The following NHSL1 variants were observed in gnomAD, a reference collection of about 807,000 sequenced individuals.
The protein encoded by NHSL1 is NHS like 1.
A neutral mutation model predicts 95.0 loss-of-function variants in NHSL1; 48 were observed. The observed-to-expected ratio is 0.51, with a 90% CI of 0.40 to 0.64. The LOEUF is 0.64. NHSL1 is among the 30% of genes least tolerant of loss of function. The probability of loss-of-function intolerance (pLI) is 0.00; values close to 1 mark genes in which losing one functional copy is unlikely to be tolerated. For missense variants in NHSL1, 1,971 were observed against 2,077.7 expected (o/e 0.95, Z 1.00); for synonymous variants, 783 against 833.9 (o/e 0.94, Z 1.05).
In NHSL1 at chr6:138,582,952, A is replaced by G. The variant is rs1210493079; in HGVS notation, c.97-86581T>C. Among the ~76,000 whole-genome samples the G allele has an allele frequency of 2.3e-4, 35 of 152,236 alleles. 1 individual carries two copies. Among genetic ancestry groups the G allele is most frequent in the Admixed American group, 2.3e-3 (35 of 15,284 alleles). The stretch of plus-strand genomic sequence containing the variant: ...CCTGCAAAACCCAATGGCTTAAAGC[A>G]GTCATCAGTTACAATTTCTCACAAG... On this transcript the variant is annotated intron_variant, in intron 1 of 3. Coordinates refer to the NHSL1 transcript ENST00000491526.
At chr6:138,579,805 C>T (rs1183110885) in intron 1 of NHSL1, among the ~76,000 whole-genome samples, 1 of 152,206 alleles carries the variant, frequency 6.6e-6, no homozygotes, top group African/African-American at 2.4e-5. Flanking sequence ...CCTTACGTGA[C>T]CTTTTAAAGC....
intron 1 of NHSL1, among the ~76,000 whole-genome samples, chr6:138,505,726 G>A (rs1390148248): frequency 6.6e-6 from 1 of 151,862 alleles, no homozygotes; most frequent in African/African-American, 2.4e-5. Context: ...AACCTGAAGA[G>A]GAGAAAGGGG....
chr6:138,574,840 A>G (rs1783942247), upstream of NHSL1, among the ~76,000 whole-genome samples: 1 of 152,082 alleles, frequency 6.6e-6, no homozygotes, highest in African/African-American at 2.4e-5. Context: ...CAATAGAGTG[A>G]GACCCTATCT....
intron 1 of NHSL1, among the ~76,000 whole-genome samples, chr6:138,558,768 G>A (rs987228047): frequency 2.0e-5 from 3 of 152,192 alleles, no homozygotes; most frequent in African/African-American, 4.8e-5. Context: ...ACTACAGCCA[G>A]GCAGTGGCTC....
intron 1 of NHSL1, among the ~76,000 whole-genome samples, chr6:138,554,891 G>A (rs928989361): frequency 6.6e-6 from 1 of 152,280 alleles, no homozygotes; most frequent in East Asian, 1.9e-4. Context: ...CTTCTGAGTC[G>A]TGAGGCAGTT....
chr6:138,575,658 G>C (rs1263409765), upstream of NHSL1, among the ~76,000 whole-genome samples: 2 of 152,172 alleles, frequency 1.3e-5, no homozygotes, highest in African/African-American at 2.4e-5. Flanking sequence ...TGTTGATCAA[G>C]AGAATATAAT....
At chr6:138,594,070 T>G (rs559751981) in intron 1 of NHSL1, among the ~76,000 whole-genome samples, 1 of 152,212 alleles carries the variant, frequency 6.6e-6, no homozygotes, top group Non-Finnish European at 1.5e-5. Flanking sequence ...GCCTTTGACA[T>G]GCTAATGTTG....
chr6:138,557,880 C>A (rs1783251430), intron 1 of NHSL1, among the ~76,000 whole-genome samples: 1 of 152,208 alleles, frequency 6.6e-6, no homozygotes, highest in African/African-American at 2.4e-5. Context: ...AAAGACCATG[C>A]ATGACTACTG....
chr6:138,659,603 C>T (rs903167079), intron 1 of NHSL1, among the ~76,000 whole-genome samples: 3 of 152,002 alleles, frequency 2.0e-5, no homozygotes, highest in Non-Finnish European at 4.4e-5. Flanking sequence ...ATAAAAATAC[C>T]CAGTGGTAAA....
intron 1 of NHSL1, among the ~76,000 whole-genome samples, chr6:138,551,812 G>C (rs750146913): frequency 8.5e-5 from 13 of 152,264 alleles, no homozygotes; most frequent in Non-Finnish European, 1.6e-4. Context: ...TGGAACGCGG[G>C]TTTTTGCTCT....
In NHSL1 at chr6:138,424,782, C is replaced by T. The variant is rs1423331911; in HGVS notation, c.4120G>A (p.Asp1374Asn). Residue 1374 changes from aspartate to asparagine, a missense_variant, in exon 8 of 8, where the codon GAT (aspartate) becomes AAT (asparagine). Around this residue, in one of 3 missense-constraint regions of NHSL1, gnomAD observed 146 missense variants for 206.3 expected, o/e 0.71. Transcript: ENST00000343505. This position sits in a 1 kb window ranked among gnomAD's most constrained non-coding sequence, Gnocchi z 5.9. ...KRKVLGRRDS[D>N]DDHSRNHSPS... ...GAATGGTTTCGGGAGTGGTCATCATCTGAATCTCTACGGCCGAGGACTTTC... is the reference window on the plus strand; with the variant it reads ...GAATGGTTTCGGGAGTGGTCATCATTTGAATCTCTACGGCCGAGGACTTTC... 6.4e-7 allele frequency: 1 copy of T among 1,551,480 alleles called. No individual in the cohort carries two copies. The highest frequency in any genetic ancestry group is 1.2e-5 in the South Asian group (1 of 84,046).
At chr6:138,444,285 AG>A (rs140956677) in intron 4 of NHSL1, among the ~76,000 whole-genome samples, 1 of 151,994 alleles carries the variant, frequency 6.6e-6, no homozygotes, top group African/African-American at 2.4e-5. Flanking sequence ...AAAAAAAAAA[AG>A]AAATAAACTT....
chr6:138,692,922 A>AGGAC (rs1051069271), upstream of NHSL1, among the ~76,000 whole-genome samples: 5 of 150,138 alleles, frequency 3.3e-5, no homozygotes, highest in East Asian at 2.0e-4. This position sits in a 1 kb window ranked among gnomAD's most constrained non-coding sequence, Gnocchi z 4.0. Context: ...GCGGGCAGGA[A>AGGAC]GGACGGACGG....
At chr6:138,657,941 GA>G (rs1416432720) in intron 1 of NHSL1, among the ~76,000 whole-genome samples, 13 of 147,408 alleles carry the variant, frequency 8.8e-5, no homozygotes, top group Non-Finnish European at 4.5e-5. Flanking sequence ...AATATTAAAA[GA>G]AAAAACTGAA....
chr6:138,618,753 ATGACTTG>A (rs1192717710), intron 1 of NHSL1, among the ~76,000 whole-genome samples: 1 of 152,202 alleles, frequency 6.6e-6, no homozygotes, highest in Non-Finnish European at 1.5e-5. Flanking sequence ...AAAAGAAATA[ATGACTTG>A]TACCGAGTGA....
chr6:138,444,272 TAAA>T (rs760962634), intron 4 of NHSL1, among the ~76,000 whole-genome samples: 1 of 140,080 alleles, frequency 7.1e-6, no homozygotes. Flanking sequence ...TCTTTTAAAT[TAAA>T]AAAAAAAAAA....
At chr6:138,585,879 C>CA (rs776882873) in intron 1 of NHSL1, among the ~76,000 whole-genome samples, 4,935 of 112,576 alleles carry the variant, frequency 0.044, 200 homozygotes, top group African/African-American at 0.12. Flanking sequence ...CCAGTCTCTA[C>CA]AAAAAAAAAA....
Position 138,430,476 on chromosome 6 carries a change from G to A in NHSL1, c.3869C>T (p.Ala1290Val). 1 of 1,550,758 alleles carries A rather than the reference G, an allele frequency of 6.4e-7. No individual in the cohort carries two copies. Among genetic ancestry groups the A allele is most frequent in the Non-Finnish European group, 8.7e-7 (1 of 1,146,442 alleles). ...CTCGGCTGGCTCCTCCTGCTTGGGGGCTGGTGAGACATCAGGCTGAACCAT... is the reference window on the plus strand; with the variant it reads ...CTCGGCTGGCTCCTCCTGCTTGGGGACTGGTGAGACATCAGGCTGAACCAT... ...VPMVQPDVSP[A>V]PKQEEPAENS... Residue 1290 changes from alanine (A) to valine (V), a missense_variant, in exon 6 of 8, where the codon GCC (alanine) becomes GTC (valine). This residue lies in a region of NHSL1 where 1,602 missense variants were observed against 1,654.5 expected (regional missense o/e 0.97). Transcript: ENST00000343505. The surrounding 1 kb of genome is among the most constrained non-coding windows in gnomAD (Gnocchi z 4.7).
In NHSL1 at chr6:138,424,627, T is replaced by C; in HGVS notation, c.4275A>G (p.Lys1425=). Residue 1425 remains lysine, a synonymous_variant, in exon 8 of 8, where the codon AAA becomes AAG. Transcript: ENST00000343505. The surrounding 1 kb of genome is among the most constrained non-coding windows in gnomAD (Gnocchi z 5.9). ...CGCTGGTGTCTGAACGACTGCCCTTTTTCAGCAGCAGAGCTTTGAAGTTGT... is the reference window on the plus strand; with the variant it reads ...CGCTGGTGTCTGAACGACTGCCCTTCTTCAGCAGCAGAGCTTTGAAGTTGT... ...SSDNFKALLL[K]KGSRSDTSAR... 6.4e-7 allele frequency: 1 copy of C among 1,551,626 alleles called. No homozygotes were observed. Among genetic ancestry groups the C allele is most frequent in the Non-Finnish European group, 8.7e-7 (1 of 1,146,986 alleles).
Sources: allele counts gnomAD v4.1 joint callset (sites outside exome capture counted in the v4.1 genomes callset), GRCh38; gene constraint gnomAD v4.1.1; regional missense constraint gnomAD v4.1.1; non-coding constraint Gnocchi (gnomAD v3.1); transcripts MANE v1.5; gene names NCBI Gene and HGNC (gene_info 2026-07-23, HGNC 2026-07-21).